The following GMCL1 variants were observed in gnomAD, a reference collection of about 807,000 sequenced individuals.
GMCL1 encodes the protein germ cell-less 1, spermatogenesis associated.
GMCL1 carries 54 observed loss-of-function variants against 75.5 expected under a neutral mutation model. The ratio of observed to expected loss-of-function variants is 0.71; its 90% confidence interval spans 0.57 to 0.90. GMCL1 has a LOEUF of 0.90. Among genes scored for constraint, GMCL1 ranks in the 40% least tolerant of loss-of-function variants. The probability of loss-of-function intolerance (pLI) is 0.00; values close to 1 mark genes in which losing one functional copy is unlikely to be tolerated. For synonymous variants in GMCL1, 210 were observed against 209.6 expected, an observed-to-expected ratio of 1.00 and a Z score of -0.02; for missense variants, 537 against 622.7, an observed-to-expected ratio of 0.86 and a Z score of 1.47.
At chr2:69,835,885 A>G (rs1301235490) in intron 1 of GMCL1, among the ~76,000 whole-genome samples, 2 of 152,176 alleles carry the variant, frequency 1.3e-5, no homozygotes, top group Non-Finnish European at 2.9e-5. Context: ...GGGTGAATGG[A>G]TTGGGAGTGA....
intron 9 of GMCL1, among the ~76,000 whole-genome samples, chr2:69,859,744 A>T (rs946619639): frequency 6.9e-6 from 1 of 145,220 alleles, no homozygotes; most frequent in East Asian, 2.0e-4. Context: ...TCTCTCTCTA[A>T]AAAAAAAAAA....
intron 1 of GMCL1, among the ~76,000 whole-genome samples, chr2:69,832,498 AG>A (rs1275019632): frequency 6.6e-6 from 1 of 152,210 alleles, no homozygotes; most frequent in African/African-American, 2.4e-5. Flanking sequence ...ATTTATATTT[AG>A]GGGGTACAGC....
At chr2:69,836,993 A>G (rs979324019) in intron 1 of GMCL1, among the ~76,000 whole-genome samples, 14 of 152,212 alleles carry the variant, frequency 9.2e-5, no homozygotes, top group Non-Finnish European at 1.9e-4. Context: ...AAAACCTTTG[A>G]TCTAAGGTTG....
chr2:69,837,325 G>T (rs541620064), intron 1 of GMCL1, among the ~76,000 whole-genome samples: 1 of 152,000 alleles, frequency 6.6e-6, no homozygotes, highest in Admixed American at 6.6e-5. Context: ...TATCTCTCCC[G>T]TGCATAGAGG....
At chr2:69,835,286 G>T (rs919913793) in intron 1 of GMCL1, among the ~76,000 whole-genome samples, 5 of 152,032 alleles carry the variant, frequency 3.3e-5, no homozygotes, top group Non-Finnish European at 7.4e-5. Context: ...GTCTCTAAAA[G>T]CTCTTTCTTG....
At chr2:69,843,021 C>G (rs1021939430) in intron 4 of GMCL1, 128 bp from the exon 5 acceptor site, 5 of 347,408 alleles carry the variant, frequency 1.4e-5, no homozygotes, top group African/African-American at 2.2e-5. Context: ...AGGTTTGCTG[C>G]ACTTAATGAG....
At chr2:69,878,820 C>G in intron 13 of GMCL1, 89 bp from the exon 14 acceptor site, 2 of 863,970 alleles carry the variant, frequency 2.3e-6, no homozygotes, top group South Asian at 2.8e-5. Flanking sequence ...ACTCAGGACA[C>G]TATCTCCTTT....
In GMCL1 at chr2:69,839,447, T is replaced by TTG. The variant is rs1034350714; in HGVS notation, c.385-9_385-8insGT. ...TACTTGATAATCGTTGACTTTTTTT[T>TTG]TTGTTTAAGTCTGGCTACTTTTCTA... On this transcript the variant is annotated splice_polypyrimidine_tract_variant and intron_variant, in intron 2 of 13. Transcript: ENST00000282570. 2 of 1,535,800 alleles carry TTG rather than the reference T, an allele frequency of 1.3e-6. No individual in the cohort carries two copies. Among genetic ancestry groups the TTG allele is most frequent in the Non-Finnish European group, 1.8e-6 (2 of 1,125,106 alleles).
At chr2:69,843,828 G>C (rs1675053346) in intron 5 of GMCL1, among the ~76,000 whole-genome samples, 1 of 152,114 alleles carries the variant, frequency 6.6e-6, no homozygotes, top group South Asian at 2.1e-4. Context: ...TCTAACTCTT[G>C]AGAGTTGCAG....
intron 1 of GMCL1, among the ~76,000 whole-genome samples, chr2:69,836,649 G>A (rs555102619): frequency 3.3e-5 from 5 of 152,192 alleles, no homozygotes; most frequent in Non-Finnish European, 4.4e-5. Flanking sequence ...AAGGTTTTAT[G>A]TGCTAGGAAA....
chr2:69,830,195 G>A, intron 1 of GMCL1, 43 bp downstream of exon 1: 1 of 1,535,374 alleles, frequency 6.5e-7, no homozygotes, highest in Non-Finnish European at 8.8e-7. Context: ...ACCCGCACCT[G>A]TTGGGCCTGG....
intron 6 of GMCL1, chr2:69,844,472 A>G (rs991900182): frequency 4.2e-5 from 9 of 216,800 alleles, no homozygotes; most frequent in Admixed American, 2.3e-4. Context: ...CCAGGCTGTT[A>G]GAGAATTTAA....
intron 9 of GMCL1, among the ~76,000 whole-genome samples, chr2:69,857,358 C>T (rs1675505339): frequency 6.6e-6 from 1 of 152,200 alleles, no homozygotes; most frequent in Non-Finnish European, 1.5e-5. Flanking sequence ...GATCATCCTA[C>T]AGCTTTTGTA....
chr2:69,873,568 G>A (rs570140637), intron 13 of GMCL1: 1 of 152,380 alleles, frequency 6.6e-6, no homozygotes, highest in African/African-American at 2.4e-5. Context: ...CAACTTAGAT[G>A]ATCCCAATTT....
At chr2:69,868,939 C>A (rs1161590819) in intron 11 of GMCL1, among the ~76,000 whole-genome samples, 5 of 150,558 alleles carry the variant, frequency 3.3e-5, no homozygotes, top group African/African-American at 4.9e-5. Flanking sequence ...CATAGTGAAA[C>A]CCCGTCTCTA....
intron 11 of GMCL1, among the ~76,000 whole-genome samples, chr2:69,866,580 T>A (rs1207687807): frequency 2.0e-5 from 3 of 152,044 alleles, no homozygotes; most frequent in Non-Finnish European, 4.4e-5. Flanking sequence ...AGCAACAGTC[T>A]CTGGAGTAGC....
chr2:69,874,885 G>T (rs1676081956), intron 13 of GMCL1, among the ~76,000 whole-genome samples: 1 of 151,662 alleles, frequency 6.6e-6, no homozygotes, highest in African/African-American at 2.4e-5. Flanking sequence ...GAGACTACAG[G>T]CTCGCACCAC....
At position 69,841,940 on chromosome 2, in the gene GMCL1, G is replaced by C. The variant is rs542816338; in HGVS notation, c.579+901G>C. 2.0e-5 allele frequency among the ~76,000 whole-genome samples: 3 copies of C among 152,274 alleles called. No individual in the cohort carries two copies. In the South Asian group the frequency reaches 6.2e-4, roughly 32 times the overall value. On this transcript the variant is annotated intron_variant, in intron 4 of 13. Transcript: ENST00000282570. ...AAACATAAGAAGGATTGCAGAAGAGGGGGGCAGAAGCCAGATCATGAAAAT... is the reference window on the plus strand; with the variant it reads ...AAACATAAGAAGGATTGCAGAAGAGCGGGGCAGAAGCCAGATCATGAAAAT...
rs778658408 is a variant in GMCL1 at position 69,879,052 on chromosome 2, T to C, written c.*48T>C. 2.0e-5 allele frequency: 25 copies of C among 1,240,484 alleles called. No individual in the cohort carries two copies. Among genetic ancestry groups the C allele is most frequent in the Non-Finnish European group, 2.9e-5 (25 of 850,500 alleles). The allele number at this position is 1,240,484 out of a possible 1,614,324, so 76.8% of individuals were successfully genotyped here. ...CCAGAAAACTGAAGATTTCATCAGT[T>C]GGAAACAGTAGCACTTTGAAAACTT... is the stretch of plus-strand genomic sequence containing the variant. On this transcript the variant is annotated 3_prime_UTR_variant, in exon 14 of 14. Coordinates refer to ENST00000282570, the MANE Select transcript of GMCL1 (RefSeq NM_178439.5).
Sources: gnomAD v4.1 joint callset for allele counts (sites outside exome capture counted in the v4.1 genomes callset) on GRCh38, gnomAD v4.1.1 for gene constraint, MANE v1.5 for transcripts, NCBI Gene and HGNC (gene_info 2026-07-23, HGNC 2026-07-21) for gene names.